ADAM23: variants seen among roughly 807,000 people sequenced by gnomAD.
ADAM23 encodes disintegrin and metalloproteinase domain-containing protein 23.
A neutral mutation model predicts 120.1 loss-of-function variants in ADAM23; 33 were observed. That is an observed-to-expected ratio of 0.27 (90% CI 0.21 to 0.37). The LOEUF (loss-of-function observed/expected upper bound fraction) is 0.37, where lower values mean the gene tolerates loss of function less well. ADAM23 is among the 10% of genes least tolerant of loss of function. The pLI is 1.00. For synonymous variants in ADAM23, 367 were observed against 375.2 expected (o/e 0.98, Z 0.25); for missense variants, 862 against 1,058.2 (o/e 0.81, Z 2.57).
At chr2:206,593,580 T>A (rs2105850154) in intron 22 of ADAM23, among the ~76,000 whole-genome samples, 1 of 152,264 alleles carries the variant, frequency 6.6e-6, no homozygotes, top group East Asian at 1.9e-4. Context: ...TGCTTTTAAA[T>A]GGCTCTGAAG....
At chr2:206,518,139 A>G (rs1696770906) in intron 3 of ADAM23, among the ~76,000 whole-genome samples, 1 of 152,214 alleles carries the variant, frequency 6.6e-6, no homozygotes, top group South Asian at 2.1e-4. Context: ...GTTCTGATTT[A>G]TAGATCTGTT....
At chr2:206,561,279 A>G in intron 12 of ADAM23, 67 bp downstream of exon 12, 17 of 1,349,920 alleles carry the variant, frequency 1.3e-5, no homozygotes, top group Non-Finnish European at 1.8e-5. Context: ...CCCAGTTTAC[A>G]TCCTTTCTCG....
intron 4 of ADAM23, among the ~76,000 whole-genome samples, chr2:206,540,316 A>G (rs1363229018): frequency 6.6e-6 from 1 of 151,074 alleles, no homozygotes; most frequent in Non-Finnish European, 1.5e-5. Context: ...ACTTTTTTCA[A>G]CCAAACACAG....
intron 3 of ADAM23, among the ~76,000 whole-genome samples, chr2:206,490,806 A>G (rs1696117755): frequency 6.6e-6 from 1 of 152,110 alleles, no homozygotes; most frequent in South Asian, 2.1e-4. Context: ...GTGATCAGAC[A>G]TTTCTGGTCT....
intron 2 of ADAM23, among the ~76,000 whole-genome samples, chr2:206,464,862 A>G (rs538134594): frequency 6.6e-6 from 1 of 152,218 alleles, no homozygotes; most frequent in East Asian, 1.9e-4. Flanking sequence ...TCAAAGAAGT[A>G]TCTAGCCTAA....
chr2:206,537,177 C>A (rs1247096738), intron 4 of ADAM23, among the ~76,000 whole-genome samples: 2 of 152,054 alleles, frequency 1.3e-5, no homozygotes, highest in African/African-American at 2.4e-5. Context: ...CACCTTTATT[C>A]TTTTCTTTAT....
At chr2:206,519,049 C>T (rs933674214) in intron 3 of ADAM23, among the ~76,000 whole-genome samples, 3 of 152,076 alleles carry the variant, frequency 2.0e-5, no homozygotes, top group Non-Finnish European at 4.4e-5. Context: ...CTTGGAGACC[C>T]TATAATTCAA....
intron 14 of ADAM23, among the ~76,000 whole-genome samples, chr2:206,566,020 G>A (rs1052631158): frequency 3.3e-5 from 5 of 151,902 alleles, no homozygotes; most frequent in African/African-American, 7.2e-5. Context: ...TAGCTTCCAC[G>A]GTTCCCTATT....
At position 206,500,318 on chromosome 2, in the gene ADAM23, A is replaced by G. The variant is rs182215956; in HGVS notation, c.509+19010A>G. On this transcript the variant is annotated intron_variant, in intron 3 of 25. Coordinates refer to ENST00000264377, the MANE Select transcript of ADAM23 (RefSeq NM_003812.4). ...TCCTGGTAAGTAATGATTAAATTAT[A>G]TGACTCTCAAAGTACAAAAATAACA... Among the ~76,000 whole-genome samples, 216 of 152,280 alleles carry G rather than the reference A, an allele frequency of 1.4e-3. 2 individuals carry two copies. Among genetic ancestry groups the G allele is most frequent in the Middle Eastern group, 6.8e-3 (2 of 294 alleles).
intron 2 of ADAM23, among the ~76,000 whole-genome samples, chr2:206,474,317 AC>A (rs1361598218): frequency 2.6e-5 from 4 of 152,182 alleles, no homozygotes; most frequent in Non-Finnish European, 5.9e-5. Context: ...AGACATGACA[AC>A]TTGAACAAGG....
In ADAM23 at chr2:206,617,732, G is replaced by T; in HGVS notation, c.*105G>T. Reference sequence around the variant, plus strand: ...TTAAGTTTGTAAACAAAACCTTTGGGTGGTAATGACTACGGAGCTAAAGTT... The same window carrying T: ...TTAAGTTTGTAAACAAAACCTTTGGTTGGTAATGACTACGGAGCTAAAGTT... On this transcript the variant is annotated 3_prime_UTR_variant, in exon 26 of 26. Coordinates refer to ENST00000264377, the MANE Select transcript of ADAM23 (RefSeq NM_003812.4). 1.3e-6 allele frequency: 2 copies of T among 1,547,906 alleles called. No individual in the cohort carries two copies. The highest frequency in any genetic ancestry group is 1.7e-6 in the Non-Finnish European group (2 of 1,147,854).
chr2:206,502,148 G>A lies in ADAM23; in HGVS notation c.509+20840G>A, dbSNP rs577959248. The stretch of plus-strand genomic sequence containing the variant: ...CATCAGTATGCAATACCACAATTTT[G>A]TGATTATTGTTATCTTTTGTTATTC... On this transcript the variant is annotated intron_variant, in intron 3 of 25. Coordinates refer to ENST00000264377, the MANE Select transcript of ADAM23 (RefSeq NM_003812.4). 2.9e-3 allele frequency among the ~76,000 whole-genome samples: 447 copies of A among 152,164 alleles called. 3 individuals carry two copies. Among genetic ancestry groups the A allele is most frequent in the African/African-American group, 0.01 (425 of 41,536 alleles).
intron 25 of ADAM23, 37 bp from the exon 26 acceptor site, chr2:206,617,542 C>A: frequency 6.4e-7 from 1 of 1,574,072 alleles, no homozygotes; most frequent in South Asian, 1.2e-5. Flanking sequence ...TGGATTTTCC[C>A]CCTCTGCTTG....
chr2:206,470,002 T>G (rs1320538157), intron 2 of ADAM23, among the ~76,000 whole-genome samples: 1 of 152,224 alleles, frequency 6.6e-6, no homozygotes, highest in Non-Finnish European at 1.5e-5. Flanking sequence ...TCTTGTCTAC[T>G]TTAATCTTTT....
intron 3 of ADAM23, among the ~76,000 whole-genome samples, chr2:206,502,514 C>T (rs190981154): frequency 4.6e-5 from 7 of 151,992 alleles, no homozygotes; most frequent in Admixed American, 1.3e-4. Context: ...ACTTGTAAAT[C>T]GTATGTTTTG....
At chr2:206,603,528 A>G (rs556203768) in intron 24 of ADAM23, among the ~76,000 whole-genome samples, 3 of 152,232 alleles carry the variant, frequency 2.0e-5, no homozygotes, top group Non-Finnish European at 4.4e-5. Flanking sequence ...GAGGGTAGGG[A>G]TGCTTTTGAA....
Position 206,590,851 on chromosome 2 carries a change from T to A in ADAM23, c.1958+1337T>A, listed in dbSNP as rs1439632597. Reference sequence around the variant, plus strand: ...TCCATGGGATTGGACATCTTGAATTTGATTAGCTTTATTCATTCACTCCAT... The same window carrying A: ...TCCATGGGATTGGACATCTTGAATTAGATTAGCTTTATTCATTCACTCCAT... On this transcript the variant is annotated intron_variant, in intron 21 of 25. Transcript: ENST00000264377. Among the ~76,000 whole-genome samples the A allele has an allele frequency of 7.2e-5, 11 of 152,172 alleles. No homozygotes were observed. The East Asian group carries it at 1.7e-3, about 24-fold the overall frequency.
At chr2:206,586,710 G>A (rs1341022001) in intron 18 of ADAM23, among the ~76,000 whole-genome samples, 3 of 152,078 alleles carry the variant, frequency 2.0e-5, no homozygotes, top group Non-Finnish European at 4.4e-5. Flanking sequence ...AGTAACTTTG[G>A]GGGGAAATGA....
intron 2 of ADAM23, among the ~76,000 whole-genome samples, chr2:206,476,459 C>T (rs1412244909): frequency 6.6e-6 from 1 of 152,138 alleles, no homozygotes; most frequent in Non-Finnish European, 1.5e-5. Flanking sequence ...AGCATTACTG[C>T]CTGAGTTCCA....
Sources: gnomAD v4.1 joint callset for allele counts (sites outside exome capture counted in the v4.1 genomes callset) on GRCh38, gnomAD v4.1.1 for gene constraint, MANE v1.5 for transcripts, NCBI Gene and HGNC (gene_info 2026-07-23, HGNC 2026-07-21) for gene names.